The following CHL1 variants were observed in gnomAD, a reference collection of about 807,000 sequenced individuals.
CHL1 encodes neural cell adhesion molecule L1-like protein.
A neutral mutation model predicts 141.9 loss-of-function variants in CHL1; 96 were observed. That is an observed-to-expected ratio of 0.68 (90% confidence interval 0.57 to 0.80). CHL1 has a LOEUF of 0.80. Among genes scored for constraint, CHL1 ranks in the 30% least tolerant of loss-of-function variants. CHL1 has a pLI of 0.00. For missense variants in CHL1, 1,820 were observed against 1,457.2 expected, an observed-to-expected ratio of 1.25 and a Z score of -4.05; for synonymous variants, 613 against 502.2, an observed-to-expected ratio of 1.22 and a Z score of -2.95.
chr3:391,275 G>T (rs745446424), intron 22 of CHL1, 116 bp downstream of exon 22: 1 of 799,428 alleles, frequency 1.3e-6, no homozygotes, highest in Non-Finnish European at 2.0e-6. Context: ...CAGCACTTTG[G>T]GAGGCCAAGG....
chr3:300,723 G>C (rs1482194602), intron 2 of CHL1, among the ~76,000 whole-genome samples: 2 of 151,878 alleles, frequency 1.3e-5, no homozygotes, highest in East Asian at 3.9e-4. Context: ...TGTATAATTT[G>C]AAACTGAGAT....
intron 1 of CHL1, among the ~76,000 whole-genome samples, chr3:237,855 A>C (rs1042072069): frequency 6.6e-6 from 1 of 152,222 alleles, no homozygotes; most frequent in Non-Finnish European, 1.5e-5. Context: ...TTTAGTAAAG[A>C]AATGGTAAAA....
intron 1 of CHL1, among the ~76,000 whole-genome samples, chr3:240,369 T>A (rs456274): frequency 0.14 from 21,890 of 152,238 alleles, 1,895 homozygotes; most frequent in East Asian, 0.39. Flanking sequence ...ATTTTTTTTC[T>A]TATGTTTGTT....
intron 19 of CHL1, among the ~76,000 whole-genome samples, chr3:385,426 C>G (rs550437626): frequency 1.6e-4 from 25 of 152,290 alleles, no homozygotes; most frequent in Non-Finnish European, 2.8e-4. Flanking sequence ...GGCCAGAAAT[C>G]TTCAGTCTTT....
At chr3:389,230 T>A in intron 19 of CHL1, 22 bp from the exon 20 acceptor site, 1 of 1,563,506 alleles carries the variant, frequency 6.4e-7, no homozygotes, top group Non-Finnish European at 8.7e-7. Context: ...TCAGACTAAA[T>A]GAGTCTTGCC....
intron 5 of CHL1, among the ~76,000 whole-genome samples, chr3:334,041 C>T (rs527292888): frequency 6.6e-6 from 1 of 152,266 alleles, no homozygotes; most frequent in East Asian, 1.9e-4. Context: ...ACTGCAGCCT[C>T]ATCCTCCTGG....
rs1023436813 is a variant in CHL1, at chr3:405,545, A to G, written c.3509A>G (p.Asp1170Gly). Residue 1170 changes from aspartate to glycine, a missense_variant, in exon 28 of 28, where the codon GAT (aspartate) becomes GGT (glycine). By Grantham distance (94) the Asp-to-Gly change is moderately conservative. Transcript: ENST00000256509. Reference sequence around the variant, plus strand: ...GGAAGCCTTCGGTCCCTTAATAGGGATATGCAGCCTACTGAAAGTGCTGAC... The same window carrying G: ...GGAAGCCTTCGGTCCCTTAATAGGGGTATGCAGCCTACTGAAAGTGCTGAC... ...LKGSLRSLNRDMQPTESADSL... is the reference protein window; with the variant it reads ...LKGSLRSLNRGMQPTESADSL... 2 of 1,613,486 alleles carry G rather than the reference A, an allele frequency of 1.2e-6. No homozygotes were observed. Among genetic ancestry groups the G allele is most frequent in the Non-Finnish European group, 8.5e-7 (1 of 1,179,522 alleles).
chr3:239,448 G>C lies in CHL1; in HGVS notation c.-174-5165G>C, dbSNP rs1256105542. Among the ~76,000 whole-genome samples the C allele has an allele frequency of 3.3e-5, 5 of 152,188 alleles. No individual in the cohort carries two copies. The East Asian group carries it at 9.6e-4, about 29-fold the overall frequency. ...TGCAGCATCTCTTTTGACAGACACT[G>C]TGGTGGTAATGTGCTCCCTCCTGCT... On this transcript the variant is annotated intron_variant, in intron 1 of 27. Coordinates refer to ENST00000256509, the MANE Select transcript of CHL1 (RefSeq NM_006614.4).
intron 1 of CHL1, among the ~76,000 whole-genome samples, chr3:241,146 A>G (rs1272395129): frequency 6.6e-6 from 1 of 152,188 alleles, no homozygotes. Flanking sequence ...TTAGGCCTTT[A>G]GTTAATTTTG....
chr3:291,599 A>C (rs1574975726), intron 2 of CHL1, among the ~76,000 whole-genome samples: 1 of 152,252 alleles, frequency 6.6e-6, no homozygotes, highest in East Asian at 1.9e-4. Context: ...GGTTCATATA[A>C]GCAGGCAAGT....
Position 354,662 on chromosome 3 carries a change from G to A in CHL1, c.1056G>A (p.Lys352=), listed in dbSNP as rs759362270. The change falls in exon 11 of 28, where the codon AAG becomes AAA. Residue 352 remains lysine, a synonymous_variant. Transcript: ENST00000256509. ...IVEEPPRWTK[K]PQSAVYSTGS... is the part of the protein sequence containing the mutation. ...CAGAGCCTCCTCGCTGGACAAAGAA[G>A]CCTCAGAGTGCTGTGTATAGCACCG... is the stretch of plus-strand genomic sequence containing the variant. 3.1e-6 allele frequency: 5 copies of A among 1,613,226 alleles called. No homozygotes were observed. In the East Asian group the frequency reaches 1.1e-4, roughly 36 times the overall value.
intron 1 of CHL1, among the ~76,000 whole-genome samples, chr3:243,428 T>G (rs1436715408): frequency 6.6e-6 from 1 of 152,170 alleles, no homozygotes; most frequent in East Asian, 1.9e-4. Flanking sequence ...TCCATAAACA[T>G]TTCTGCTTGT....
chr3:271,175 G>A (rs746748754), intron 2 of CHL1, among the ~76,000 whole-genome samples: 9 of 152,138 alleles, frequency 5.9e-5, no homozygotes, highest in Non-Finnish European at 1.2e-4. Context: ...AGGATTGTGG[G>A]GAGGGGGAAG....
intron 1 of CHL1, among the ~76,000 whole-genome samples, chr3:207,916 C>T (rs1441487122): frequency 1.3e-5 from 2 of 152,158 alleles, no homozygotes; most frequent in Non-Finnish European, 2.9e-5. Flanking sequence ...CTGAGCAATT[C>T]AGGTGCAACT....
intron 16 of CHL1, among the ~76,000 whole-genome samples, chr3:378,760 G>T (rs573401731): frequency 3.5e-4 from 53 of 152,284 alleles, no homozygotes; most frequent in African/African-American, 1.2e-3. Context: ...GGCTTCTGCA[G>T]ACAGGGTCTC....
At chr3:306,548 G>A (rs1485523896) in intron 2 of CHL1, among the ~76,000 whole-genome samples, 1 of 152,038 alleles carries the variant, frequency 6.6e-6, no homozygotes. Context: ...TTGACAAGAG[G>A]GATGTTTCTG....
chr3:295,996 C>T, intron 2 of CHL1, among the ~76,000 whole-genome samples: 1 of 151,250 alleles, frequency 6.6e-6, no homozygotes, highest in South Asian at 2.1e-4. Context: ...AGTACAACTC[C>T]CTCTCAAAAA....
chr3:313,604 C>T (rs1047313777), intron 2 of CHL1, among the ~76,000 whole-genome samples: 2 of 152,110 alleles, frequency 1.3e-5, no homozygotes, highest in Non-Finnish European at 2.9e-5. Flanking sequence ...ATTCAGAGTA[C>T]ATTAACAATA....
intron 2 of CHL1, among the ~76,000 whole-genome samples, chr3:309,699 G>T (rs1699592767): frequency 6.6e-6 from 1 of 151,996 alleles, no homozygotes; most frequent in Non-Finnish European, 1.5e-5. Flanking sequence ...AATCTTTGTA[G>T]AGATGGGGCC....
Sources: allele counts gnomAD v4.1 joint callset (sites outside exome capture counted in the v4.1 genomes callset), GRCh38; gene constraint gnomAD v4.1.1; transcripts MANE v1.5; gene names NCBI Gene and HGNC (gene_info 2026-07-23, HGNC 2026-07-21).